Variants in PRKAR2A observed in about 807,000 individuals in gnomAD.
PRKAR2A encodes protein kinase cAMP-dependent type II regulatory subunit alpha, also known as cAMP-dependent protein kinase type II-alpha regulatory subunit.
PRKAR2A carries 29 observed loss-of-function variants against 51.9 expected under a neutral mutation model. The ratio of observed to expected loss-of-function variants is 0.56; its 90% CI spans 0.42 to 0.76. The LOEUF (loss-of-function observed/expected upper bound fraction) is 0.76. Ranked by LOEUF, PRKAR2A falls within the 30% of genes least tolerant of loss-of-function variation. The pLI is 0.00. For synonymous variants in PRKAR2A, 178 were observed against 186.2 expected (o/e 0.96, Z 0.36); for missense variants, 445 against 512.1 (o/e 0.87, Z 1.26).
chr3:48,773,960 G>T (rs1208217086), intron 5 of PRKAR2A, among the ~76,000 whole-genome samples: 3 of 16,946 alleles, frequency 1.8e-4, no homozygotes, highest in Non-Finnish European at 3.5e-4. Flanking sequence ...CCTCAGCCCC[G>T]AGTAGCTGTG....
rs2083413140 is a variant in PRKAR2A, at chr3:48,843,591, C to A, written c.262+3744G>T. Among the ~76,000 whole-genome samples, 4 of 152,154 alleles carry A rather than the reference C, an allele frequency of 2.6e-5. No homozygotes were observed. In the South Asian group the frequency reaches 8.3e-4, roughly 32 times the overall value. On this transcript the variant is annotated intron_variant, in intron 1 of 10. Coordinates refer to ENST00000265563, the MANE Select transcript of PRKAR2A (RefSeq NM_004157.4). ...TGCTACCTGACTTCAAACTATAATA[C>A]AAGGCTACAGTAACCAAAACAGCAT...
At chr3:48,783,359 T>C (rs982510242) in intron 4 of PRKAR2A, among the ~76,000 whole-genome samples, 1 of 152,214 alleles carries the variant, frequency 6.6e-6, no homozygotes, top group Non-Finnish European at 1.5e-5. Context: ...ATCTAAATTA[T>C]GGTCCATGTT....
At chr3:48,829,610 G>A (rs1443786505) in intron 1 of PRKAR2A, among the ~76,000 whole-genome samples, 2 of 133,994 alleles carry the variant, frequency 1.5e-5, no homozygotes, top group African/African-American at 2.9e-5. Flanking sequence ...ACATAAATGT[G>A]TGTGTGTATA....
intron 9 of PRKAR2A, among the ~76,000 whole-genome samples, chr3:48,754,914 CAAA>C (rs969190943): frequency 2.9e-5 from 3 of 104,624 alleles, no homozygotes; most frequent in African/African-American, 7.1e-5. Context: ...AAGACTCACT[CAAA>C]AAAAAAAAAA....
intron 5 of PRKAR2A, among the ~76,000 whole-genome samples, chr3:48,780,107 T>C (rs2082170005): frequency 6.7e-6 from 1 of 150,188 alleles, no homozygotes; most frequent in Admixed American, 6.7e-5. Flanking sequence ...TGCAGTGAGC[T>C]GAGATCATGC....
rs563418681 is a variant in PRKAR2A, at chr3:48,839,833, T to TA, written c.262+7501dup. On this transcript the variant is annotated intron_variant, in intron 1 of 10. Transcript: ENST00000265563. ...GTAGACTTATTCTAATGTCATTGGG[T>TA]ATACAATTCATTTTTTCTTCCTTTT... Among the ~76,000 whole-genome samples the TA allele has an allele frequency of 3.9e-5, 6 of 152,306 alleles. No homozygotes were observed. In the South Asian group the frequency reaches 1.2e-3, roughly 32 times the overall value.
rs1377103891 is a variant in PRKAR2A at position 48,751,218 on chromosome 3, T to C, written c.*367A>G. 1.3e-5 allele frequency: 6 copies of C among 450,140 alleles called. No individual in the cohort carries two copies. Among genetic ancestry groups the C allele is most frequent in the Non-Finnish European group, 2.7e-5 (6 of 226,046 alleles). The allele number at this position is 450,140 out of a possible 1,614,324, so 27.9% of individuals were successfully genotyped here. A position where few individuals can be genotyped will look rare whatever the true frequency, so the allele number is the denominator to read the frequency against. On this transcript the variant is annotated 3_prime_UTR_variant, in exon 11 of 11. Coordinates refer to ENST00000265563, the MANE Select transcript of PRKAR2A (RefSeq NM_004157.4). ...CAACAGGTTTCTGCAGACCCTGTGG[T>C]AACTTCCAAAAGCAAGAGTAGCAGC...
At chr3:48,790,449 C>T (rs2107310470) in intron 4 of PRKAR2A, 95 bp downstream of exon 4, 3 of 753,374 alleles carry the variant, frequency 4.0e-6, no homozygotes, top group Non-Finnish European at 6.2e-6. Flanking sequence ...CTTAACACGG[C>T]TGTGGCTAGG....
chr3:48,787,910 G>A (rs2082320987), intron 4 of PRKAR2A, among the ~76,000 whole-genome samples: 1 of 152,192 alleles, frequency 6.6e-6, no homozygotes, highest in Non-Finnish European at 1.5e-5. Context: ...TTTTTGGTAG[G>A]AGCTGGGTAA....
At chr3:48,824,386 C>T (rs1018044002) in intron 1 of PRKAR2A, among the ~76,000 whole-genome samples, 5 of 151,264 alleles carry the variant, frequency 3.3e-5, no homozygotes, top group African/African-American at 1.2e-4. Context: ...CAGAGCGAGA[C>T]TCTGTCTCCA....
At chr3:48,778,035 G>A (rs1322104399) in intron 5 of PRKAR2A, among the ~76,000 whole-genome samples, 1 of 152,120 alleles carries the variant, frequency 6.6e-6, no homozygotes, top group Non-Finnish European at 1.5e-5. Context: ...ATATAATGGG[G>A]CATATGTTTT....
At chr3:48,744,678 T>G (rs1254023498), downstream of PRKAR2A, 1 of 152,192 alleles carries the variant, frequency 6.6e-6, no homozygotes, top group Non-Finnish European at 1.5e-5. Context: ...AGATTTCATA[T>G]GCTCCCACAG....
At chr3:48,813,806 T>A (rs759824109) in intron 1 of PRKAR2A, among the ~76,000 whole-genome samples, 2 of 152,050 alleles carry the variant, frequency 1.3e-5, no homozygotes, top group Admixed American at 6.6e-5. Flanking sequence ...TTAAAGATCC[T>A]AAGTAAAGCC....
At chr3:48,840,785 C>A (rs2083367086) in intron 1 of PRKAR2A, among the ~76,000 whole-genome samples, 1 of 150,232 alleles carries the variant, frequency 6.7e-6, no homozygotes, top group African/African-American at 2.4e-5. Context: ...ACTGTGTTAG[C>A]CAGGATGGTC....
intron 1 of PRKAR2A, among the ~76,000 whole-genome samples, chr3:48,836,683 A>G (rs981325720): frequency 6.6e-6 from 1 of 151,780 alleles, no homozygotes; most frequent in African/African-American, 2.4e-5. Context: ...AAGGACACCA[A>G]AAAAGTGAAA....
At chr3:48,793,675 A>G (rs936217585) in intron 3 of PRKAR2A, among the ~76,000 whole-genome samples, 10 of 151,838 alleles carry the variant, frequency 6.6e-5, no homozygotes, top group African/African-American at 2.4e-4. Flanking sequence ...TTTTCCCCAC[A>G]GAGATGGGGT....
chr3:48,751,370 G>C lies in PRKAR2A; in HGVS notation c.*215C>G. 1 of 708,074 alleles carries C rather than the reference G, an allele frequency of 1.4e-6. No homozygotes were observed. The highest frequency in any genetic ancestry group is 2.5e-6 in the Non-Finnish European group (1 of 395,328). The allele number at this position is 708,074 out of a possible 1,614,324, so 43.9% of individuals were successfully genotyped here. A position where few individuals can be genotyped will look rare whatever the true frequency, so the allele number is the denominator to read the frequency against. ...GAGTAATCTTTACAAGTGGTCTAAT[G>C]AATGGGCCTTCAGAAGCAAAGTGGA... On this transcript the variant is annotated 3_prime_UTR_variant, in exon 11 of 11. Transcript: ENST00000265563.
At chr3:48,817,672 A>G (rs1392125945) in intron 1 of PRKAR2A, among the ~76,000 whole-genome samples, 1 of 149,642 alleles carries the variant, frequency 6.7e-6, no homozygotes, top group Non-Finnish European at 1.5e-5. Context: ...AATAAAATAA[A>G]TAAATAAAAA....
chr3:48,814,035 G>C (rs1407722786), intron 1 of PRKAR2A, among the ~76,000 whole-genome samples: 1 of 152,122 alleles, frequency 6.6e-6, no homozygotes, highest in Non-Finnish European at 1.5e-5. Context: ...GGGTCACGAG[G>C]TCAAGAGATG....
Sources: gnomAD v4.1 joint callset for allele counts (sites outside exome capture counted in the v4.1 genomes callset) on GRCh38, gnomAD v4.1.1 for gene constraint, MANE v1.5 for transcripts, NCBI Gene and HGNC (gene_info 2026-07-23, HGNC 2026-07-21) for gene names.